Variants in NAV2 observed in about 807,000 individuals in gnomAD.
The protein encoded by NAV2 is helicase, APC down-regulated 1.
A neutral mutation model predicts 223.2 loss-of-function variants in NAV2; 54 were observed. The observed-to-expected ratio is 0.24, with a 90% CI of 0.19 to 0.30. NAV2 has a LOEUF of 0.30. NAV2 is among the 10% of genes least tolerant of loss of function. The pLI is 1.00. For missense variants in NAV2, 2,806 were observed against 3,147.5 expected, an observed-to-expected ratio of 0.89 and a Z score of 2.60; for synonymous variants, 1,279 against 1,239.3, an observed-to-expected ratio of 1.03 and a Z score of -0.67.
intron 1 of NAV2, among the ~76,000 whole-genome samples, chr11:19,571,835 T>A (rs1375828352): frequency 6.6e-6 from 1 of 152,200 alleles, no homozygotes; most frequent in Admixed American, 6.5e-5. Flanking sequence ...TATGACTATA[T>A]CCCCTTCCCA....
At chr11:19,481,839 G>C (rs2042290889) in intron 1 of NAV2, among the ~76,000 whole-genome samples, 1 of 152,172 alleles carries the variant, frequency 6.6e-6, no homozygotes, top group African/African-American at 2.4e-5. Context: ...TCTCACAGTT[G>C]GCCCACAAAG....
intron 1 of NAV2, among the ~76,000 whole-genome samples, chr11:19,803,160 G>C (rs189194810): frequency 2.0e-5 from 3 of 152,298 alleles, no homozygotes; most frequent in Admixed American, 6.5e-5. Context: ...ATTCCCTTCT[G>C]TTCATTCTTG....
At chr11:19,366,677 C>T (rs189983196) in intron 1 of NAV2, among the ~76,000 whole-genome samples, 11 of 152,254 alleles carry the variant, frequency 7.2e-5, no homozygotes, top group Admixed American at 3.3e-4. Context: ...ATCACCTCTC[C>T]GTGAGCCTCA....
chr11:19,474,586 A>C (rs146239592), intron 1 of NAV2, among the ~76,000 whole-genome samples: 1 of 152,232 alleles, frequency 6.6e-6, no homozygotes, highest in South Asian at 2.1e-4. Context: ...AAGTGTAGCA[A>C]TGGAGTGAAG....
At chr11:19,675,889 G>C (rs1204276795) in intron 1 of NAV2, among the ~76,000 whole-genome samples, 1 of 152,182 alleles carries the variant, frequency 6.6e-6, no homozygotes, top group Non-Finnish European at 1.5e-5. Context: ...CATTTTCTGA[G>C]TGCTTACTCT....
At chr11:19,511,252 T>C (rs1019639578) in intron 1 of NAV2, 26 of 152,338 alleles carry the variant, frequency 1.7e-4, no homozygotes, top group African/African-American at 5.5e-4. Flanking sequence ...ACCTGCCTTG[T>C]CATCCCACAG....
upstream of NAV2, among the ~76,000 whole-genome samples, chr11:19,708,899 T>TA (rs77460734): frequency 0.02 from 2,262 of 114,496 alleles, 54 homozygotes; most frequent in East Asian, 0.13. Flanking sequence ...ATGCATATAG[T>TA]AAAAAAAAAA....
intron 1 of NAV2, among the ~76,000 whole-genome samples, chr11:19,571,885 T>C (rs1179240141): frequency 6.6e-6 from 1 of 152,124 alleles, no homozygotes; most frequent in Non-Finnish European, 1.5e-5. Flanking sequence ...TGATAAGATA[T>C]GTTAGGAAGT....
At chr11:20,000,439 T>G (rs1363309651) in intron 11 of NAV2, among the ~76,000 whole-genome samples, 1 of 152,142 alleles carries the variant, frequency 6.6e-6, no homozygotes, top group Admixed American at 6.5e-5. Flanking sequence ...AGCTGTGGGA[T>G]GAAGCTGCCT....
intron 1 of NAV2, among the ~76,000 whole-genome samples, chr11:19,696,121 T>C (rs1455755086): frequency 6.6e-6 from 1 of 151,300 alleles, no homozygotes; most frequent in Non-Finnish European, 1.5e-5. Flanking sequence ...ATAGAAATGC[T>C]CTCCTGGTTT....
At chr11:19,611,508 T>C (rs2046644218) in intron 1 of NAV2, among the ~76,000 whole-genome samples, 1 of 152,190 alleles carries the variant, frequency 6.6e-6, no homozygotes, top group East Asian at 1.9e-4. Flanking sequence ...ACTTCCTAGA[T>C]ACAATGGGGG....
chr11:19,692,913 G>A (rs1393216111), intron 1 of NAV2, among the ~76,000 whole-genome samples: 1 of 152,214 alleles, frequency 6.6e-6, no homozygotes, highest in Non-Finnish European at 1.5e-5. Flanking sequence ...GTGTGCTGTT[G>A]TACATTTGAT....
intron 1 of NAV2, among the ~76,000 whole-genome samples, chr11:19,412,923 C>T (rs1249417496): frequency 6.6e-6 from 1 of 152,136 alleles, no homozygotes; most frequent in Non-Finnish European, 1.5e-5. Context: ...ATCTGAAGGT[C>T]ACCAACATCA....
chr11:19,367,672 C>T (rs1446982754), intron 1 of NAV2, among the ~76,000 whole-genome samples: 4 of 152,108 alleles, frequency 2.6e-5, no homozygotes, highest in African/African-American at 4.8e-5. Context: ...GCAGCTATTC[C>T]TTGCTTGAGT....
At chr11:19,491,847 G>A (rs2042636688) in intron 1 of NAV2, among the ~76,000 whole-genome samples, 1 of 152,106 alleles carries the variant, frequency 6.6e-6, no homozygotes, top group Non-Finnish European at 1.5e-5. Context: ...TTGATTTAAA[G>A]TGAGAGATGT....
At chr11:19,454,107 G>C (rs1311716820) in intron 1 of NAV2, among the ~76,000 whole-genome samples, 1 of 152,166 alleles carries the variant, frequency 6.6e-6, no homozygotes, top group African/African-American at 2.4e-5. Flanking sequence ...AACACTCCCC[G>C]TCCCTGGAGG....
intron 1 of NAV2, among the ~76,000 whole-genome samples, chr11:19,569,744 C>T (rs1030690753): frequency 7.2e-5 from 11 of 152,124 alleles, no homozygotes; most frequent in Admixed American, 2.0e-4. Context: ...GAATGAGCTG[C>T]GTTGTCAGGA....
intron 1 of NAV2, among the ~76,000 whole-genome samples, chr11:19,375,147 A>G (rs1848599478): frequency 6.6e-6 from 1 of 152,090 alleles, no homozygotes; most frequent in Non-Finnish European, 1.5e-5. Context: ...ATTAGTAAAT[A>G]CTCATTTGTC....
chr11:20,094,236 T>G (rs1278437525), intron 29 of NAV2, among the ~76,000 whole-genome samples: 1 of 140,052 alleles, frequency 7.1e-6, no homozygotes, highest in East Asian at 2.0e-4. Context: ...TTTTTTTTTT[T>G]TTTTTTTTTT....
Sources: allele counts gnomAD v4.1 joint callset (sites outside exome capture counted in the v4.1 genomes callset), GRCh38; gene constraint gnomAD v4.1.1; transcripts MANE v1.5; gene names NCBI Gene and HGNC (gene_info 2026-07-23, HGNC 2026-07-21).